The following SMC6 variants were observed in gnomAD, a reference collection of about 807,000 sequenced individuals.
The protein encoded by SMC6 is structural maintenance of chromosomes 6.
Under a neutral mutation model 142.2 loss-of-function variants are expected in SMC6, and 79 were observed. That is an observed-to-expected ratio of 0.56 (90% CI 0.46 to 0.67). SMC6 has a LOEUF of 0.67. Among genes scored for constraint, SMC6 ranks in the 30% least tolerant of loss-of-function variants. SMC6 has a pLI of 0.00. For synonymous variants in SMC6, 411 were observed against 412.4 expected, an observed-to-expected ratio of 1.00 and a Z score of 0.04; for missense variants, 1,072 against 1,284.0, an observed-to-expected ratio of 0.83 and a Z score of 2.52.
chr2:17,706,207 A>C (rs1457777594), intron 18 of SMC6, among the ~76,000 whole-genome samples: 1 of 152,186 alleles, frequency 6.6e-6, no homozygotes, highest in Non-Finnish European at 1.5e-5. Context: ...GCATTTTAAC[A>C]ATTCAAAAAT....
chr2:17,750,680 G>A (rs372300912), intron 2 of SMC6, among the ~76,000 whole-genome samples: 9 of 152,034 alleles, frequency 5.9e-5, no homozygotes, highest in East Asian at 3.9e-4. Context: ...CCTTCATCTC[G>A]TCTATCCTTC....
At chr2:17,666,924 G>A (rs1445366540) in intron 26 of SMC6, among the ~76,000 whole-genome samples, 1 of 152,144 alleles carries the variant, frequency 6.6e-6, no homozygotes, top group African/African-American at 2.4e-5. Context: ...CAAGGGTATA[G>A]TAAGCTATGA....
At position 17,723,015 on chromosome 2, in the gene SMC6, AAAAG is replaced by A. The variant is rs1669448775; in HGVS notation, c.727-1758_727-1755del. Among the ~76,000 whole-genome samples, 6 of 150,220 alleles carry A rather than the reference AAAAG, an allele frequency of 4.0e-5. No individual in the cohort carries two copies. The South Asian group carries it at 1.3e-3, about 31-fold the overall frequency. On this transcript the variant is annotated intron_variant, in intron 9 of 27. Transcript: ENST00000448223. ...CAGCTTTCTTAAAAAAAAAAAAAAG[AAAAG>A]AAAGGAAAAAAAAAGAAAAACTGGC...
chr2:17,688,365 C>A (rs1667554519), intron 23 of SMC6, among the ~76,000 whole-genome samples: 3 of 149,646 alleles, frequency 2.0e-5, no homozygotes, highest in Admixed American at 6.6e-5. Context: ...AATGCAGGAA[C>A]CAGCTTGAAG....
intron 5 of SMC6, among the ~76,000 whole-genome samples, chr2:17,737,378 T>C (rs1423186533): frequency 3.9e-5 from 6 of 152,226 alleles, no homozygotes; most frequent in African/African-American, 1.4e-4. Flanking sequence ...TTCTCCGCAC[T>C]GGGCATGAGA....
At chr2:17,700,421 TAA>T (rs1668212672) in intron 20 of SMC6, 43 bp from the exon 21 acceptor site, 7 of 1,440,120 alleles carry the variant, frequency 4.9e-6, no homozygotes, top group Non-Finnish European at 6.5e-6. Flanking sequence ...TAAAATACTT[TAA>T]GTTTTCAAAT....
rs1339769126 is a variant in SMC6 at position 17,695,312 on chromosome 2, G to A, written c.2533-15C>T. On this transcript the variant is annotated splice_polypyrimidine_tract_variant and intron_variant, in intron 22 of 27. Coordinates refer to ENST00000448223, the MANE Select transcript of SMC6 (RefSeq NM_001142286.2). ...GACATTTTCTCCTAAGAAAGTAGAT[G>A]TTTATATCTTTAAAACTCTTCTTTG... 10 of 1,606,192 alleles carry A rather than the reference G, an allele frequency of 6.2e-6. No individual in the cohort carries two copies. Among genetic ancestry groups the A allele is most frequent in the Non-Finnish European group, 8.5e-6 (10 of 1,177,918 alleles).
chr2:17,711,361 A>G (rs1356753126), intron 16 of SMC6, among the ~76,000 whole-genome samples: 1 of 152,178 alleles, frequency 6.6e-6, no homozygotes, highest in East Asian at 1.9e-4. Flanking sequence ...GGGGACAAGG[A>G]GAAGATAATA....
intron 26 of SMC6, among the ~76,000 whole-genome samples, 198 bp from the exon 27 acceptor site, chr2:17,666,715 G>A (rs1248150105): frequency 6.6e-6 from 1 of 152,110 alleles, no homozygotes; most frequent in Non-Finnish European, 1.5e-5. Context: ...GGGTGCAGTG[G>A]CTCATGTTTG....
rs766695249 is a variant in SMC6, at chr2:17,721,043, GA to G, written c.847-6del. 1 of 1,612,926 alleles carries G rather than the reference GA, an allele frequency of 6.2e-7. No homozygotes were observed. The highest frequency in any genetic ancestry group is 1.1e-5 in the South Asian group (1 of 91,000). ...TTGTTTTTCAATTTCATTGACCTAA[GA>G]AAGAAATTATATAGCAAATTGATCA... is the stretch of plus-strand genomic sequence containing the variant. On this transcript the variant is annotated splice_region_variant and splice_polypyrimidine_tract_variant and intron_variant, in intron 10 of 27. Transcript: ENST00000448223.
chr2:17,696,217 T>G lies in SMC6; in HGVS notation c.2532+72A>C, dbSNP rs138680277. 561 of 1,526,064 alleles carry G rather than the reference T, an allele frequency of 3.7e-4. 1 individual carries two copies. In the African/African-American group the frequency reaches 6.9e-3, roughly 19 times the overall value. The allele number at this position is 1,526,064 out of a possible 1,614,324, so 94.5% of individuals were successfully genotyped here. On this transcript the variant is annotated intron_variant, in intron 22 of 27. Transcript: ENST00000448223. ...CTTTTCTGTTTTTAGAAACATGACA[T>G]TAGGGAAAACACACTTTAATAATCA...
rs1353365704 is a variant in SMC6, at chr2:17,753,683, C to T, written c.-150G>A. On this transcript the variant is annotated 5_prime_UTR_variant, in exon 1 of 28. Transcript: ENST00000448223. ...GATCGGCGGGGCTGCCGTGGTACGACCGGCCGCTAAGGCCACCCTGCGGGC... is the reference window on the plus strand; with the variant it reads ...GATCGGCGGGGCTGCCGTGGTACGATCGGCCGCTAAGGCCACCCTGCGGGC... The T allele has an allele frequency of 2.0e-5, 3 of 152,230 alleles. No homozygotes were observed. The highest frequency in any genetic ancestry group is 7.2e-5 in the African/African-American group (3 of 41,472). The allele number at this position is 152,230 out of a possible 1,614,324, so 9.4% of individuals were successfully genotyped here. A position where few individuals can be genotyped will look rare whatever the true frequency, so the allele number is the denominator to read the frequency against.
rs370112744 is a variant in SMC6, at chr2:17,718,240, T to C, written c.946-17A>G. 43 of 1,549,042 alleles carry C rather than the reference T, an allele frequency of 2.8e-5. No homozygotes were observed. In the African/African-American group the frequency reaches 5.5e-4, roughly 20 times the overall value. ...AAGTCTGACCTTTAAGAAAATAACA[T>C]TATTGAAGTATATTTTTTCTTCAAT... On this transcript the variant is annotated splice_polypyrimidine_tract_variant and intron_variant, in intron 11 of 27. Coordinates refer to ENST00000448223, the MANE Select transcript of SMC6 (RefSeq NM_001142286.2).
chr2:17,740,168 C>T (rs1208982539), intron 4 of SMC6, among the ~76,000 whole-genome samples: 1 of 152,092 alleles, frequency 6.6e-6, no homozygotes, highest in Non-Finnish European at 1.5e-5. Context: ...ATCATTGTTT[C>T]AAAAGTTAAA....
chr2:17,714,707 C>T (rs188473375), intron 16 of SMC6, among the ~76,000 whole-genome samples, 154 bp downstream of exon 16: 2 of 152,198 alleles, frequency 1.3e-5, no homozygotes, highest in East Asian at 1.9e-4. Flanking sequence ...TCTCTAATGC[C>T]CAGAACTAAT....
chr2:17,673,127 G>A (rs987687122), intron 25 of SMC6, among the ~76,000 whole-genome samples: 1 of 152,180 alleles, frequency 6.6e-6, no homozygotes, highest in African/African-American at 2.4e-5. Context: ...GTAACTTACT[G>A]TGGTATAAAT....
At chr2:17,702,033 AG>A (rs1668293707) in intron 19 of SMC6, 124 bp from the exon 20 acceptor site, 7 of 597,944 alleles carry the variant, frequency 1.2e-5, no homozygotes, top group Non-Finnish European at 2.1e-5. Context: ...AATTAATGAA[AG>A]GGGTACATTA....
chr2:17,704,921 T>C (rs1668430514), intron 18 of SMC6, among the ~76,000 whole-genome samples: 1 of 151,032 alleles, frequency 6.6e-6, no homozygotes, highest in African/African-American at 2.5e-5. Context: ...TTATCATATA[T>C]AAACCTAAAC....
At chr2:17,753,129 G>T in intron 1 of SMC6, 65 bp from the exon 2 acceptor site, 1 of 576,502 alleles carries the variant, frequency 1.7e-6, no homozygotes, top group Non-Finnish European at 2.2e-6. Context: ...ATTTTTCTAG[G>T]TAATACAATT....
Sources: gnomAD v4.1 joint callset for allele counts (sites outside exome capture counted in the v4.1 genomes callset) on GRCh38, gnomAD v4.1.1 for gene constraint, MANE v1.5 for transcripts, NCBI Gene and HGNC (gene_info 2026-07-23, HGNC 2026-07-21) for gene names.